The following COBLL1 variants were observed in gnomAD, a reference collection of about 807,000 sequenced individuals.
COBLL1 encodes cordon-bleu WH2 repeat protein like 1.
COBLL1 carries 50 observed loss-of-function variants against 94.8 expected under a neutral mutation model. The observed-to-expected ratio is 0.53, with a 90% CI of 0.42 to 0.67. COBLL1 has a LOEUF of 0.67. COBLL1 is among the 30% of genes least tolerant of loss of function. The pLI, the probability that COBLL1 is intolerant of heterozygous loss-of-function variation, is 0.00. For missense variants in COBLL1, 1,362 were observed against 1,348.7 expected, an observed-to-expected ratio of 1.01 and a Z score of -0.15; for synonymous variants, 448 against 473.8, an observed-to-expected ratio of 0.95 and a Z score of 0.71.
Position 164,695,521 on chromosome 2 carries a change from T to A in COBLL1, c.1871A>T (p.Asp624Val). ...DGKHQDHNLSDSKVEECVQTS... is the reference protein window; with the variant it reads ...DGKHQDHNLSVSKVEECVQTS... ...TTGCACACATTCTTCAACTTTGGAG[T>A]CAGATAAATTATGATCTTGGTGTTT... is the stretch of plus-strand genomic sequence containing the variant. The change falls in exon 12 of 14, where the codon GAC becomes GTC. Residue 624 changes from aspartate to valine, a missense_variant. By Grantham distance (152) the Asp-to-Val change is radical (BLOSUM62 -3). Transcript: ENST00000652658. 1 of 1,613,942 alleles carries A rather than the reference T, an allele frequency of 6.2e-7. No homozygotes were observed. Among genetic ancestry groups the A allele is most frequent in the Non-Finnish European group, 8.5e-7 (1 of 1,179,914 alleles).
chr2:164,753,243 T>C (rs571267361), intron 2 of COBLL1, among the ~76,000 whole-genome samples: 1 of 152,122 alleles, frequency 6.6e-6, no homozygotes, highest in South Asian at 2.1e-4. Context: ...CAAAAGAAAA[T>C]TTTGAAAAGC....
intron 2 of COBLL1, among the ~76,000 whole-genome samples, chr2:164,789,977 TC>T (rs1419329022): frequency 2.0e-5 from 3 of 152,302 alleles, no homozygotes; most frequent in Middle Eastern, 3.4e-3. Context: ...TGTTTTTTCC[TC>T]CCTATATTCA....
chr2:164,667,485 G>A (rs564052884), intron 1 of COBLL1, among the ~76,000 whole-genome samples: 7 of 152,306 alleles, frequency 4.6e-5, no homozygotes, highest in Admixed American at 2.0e-4. Flanking sequence ...TCTTCCAAGA[G>A]AAGGCTGTTT....
Position 164,681,363 on chromosome 2 carries a change from C to T in COBLL1, c.*4583G>A, listed in dbSNP as rs1385263688. ...TGTTTCAGAGATGTCTTTCTCACAG[C>T]AACATTTCAAATACAGTGAAAGCAA... On this transcript the variant is annotated 3_prime_UTR_variant, in exon 14 of 14. Transcript: ENST00000652658. The T allele has an allele frequency of 1.3e-5, 2 of 152,098 alleles. No individual in the cohort carries two copies. Among genetic ancestry groups the T allele is most frequent in the East Asian group, 3.9e-4 (2 of 5,172 alleles). 9.4% of individuals were successfully genotyped at this position (152,098 alleles called of 1,614,324 possible).
chr2:164,703,262 C>T, intron 9 of COBLL1: 2 of 1,347,014 alleles, frequency 1.5e-6, no homozygotes, highest in Non-Finnish European at 1.1e-6. Context: ...ACTTAGACAA[C>T]AGAGTTAAGG....
chr2:164,784,294 A>G (rs960817238), intron 2 of COBLL1, among the ~76,000 whole-genome samples: 3 of 152,216 alleles, frequency 2.0e-5, no homozygotes, highest in Admixed American at 6.5e-5. Flanking sequence ...AACACACAGA[A>G]GTCACTCAAT....
chr2:164,840,942 G>A, intron 2 of COBLL1: 2 of 422,848 alleles, frequency 4.7e-6, no homozygotes, highest in Non-Finnish European at 7.9e-6. Flanking sequence ...GGCAGCCCCG[G>A]TAGGAAGGCA....
chr2:164,667,505 T>C (rs571203832), intron 1 of COBLL1, among the ~76,000 whole-genome samples: 13 of 152,218 alleles, frequency 8.5e-5, no homozygotes, highest in Non-Finnish European at 1.9e-4. Flanking sequence ...TTGTCTATGT[T>C]AAAAATCTGT....
chr2:164,830,212 C>T (rs762024589), intron 2 of COBLL1, among the ~76,000 whole-genome samples: 1 of 152,166 alleles, frequency 6.6e-6, no homozygotes, highest in African/African-American at 2.4e-5. Context: ...ATTTGTGGTA[C>T]CTTTGTGTTC....
At chr2:164,729,868 T>G (rs1350070073) in intron 4 of COBLL1, 46 bp downstream of exon 4, 1 of 1,482,430 alleles carries the variant, frequency 6.7e-7, no homozygotes, top group Non-Finnish European at 9.4e-7. Context: ...AATGAGCTGC[T>G]GATAATGACT....
At chr2:164,687,575 C>T (rs534277741) in intron 13 of COBLL1, 7 of 1,194,890 alleles carry the variant, frequency 5.9e-6, no homozygotes, top group East Asian at 2.4e-5. Flanking sequence ...CCAAAGGCAC[C>T]TCGCATGCCT....
intron 2 of COBLL1, among the ~76,000 whole-genome samples, chr2:164,821,783 C>G (rs564351138): frequency 3.9e-5 from 6 of 152,282 alleles, no homozygotes; most frequent in African/African-American, 1.4e-4. Context: ...GGCTGAAAAA[C>G]CTGCTTTCCG....
chr2:164,770,309 GA>G (rs1018453694), intron 2 of COBLL1, among the ~76,000 whole-genome samples: 13 of 142,388 alleles, frequency 9.1e-5, no homozygotes, highest in East Asian at 4.1e-4. Context: ...GAAACAAAAA[GA>G]AAAAAAAAAC....
chr2:164,752,913 T>C (rs1687200915), intron 2 of COBLL1, among the ~76,000 whole-genome samples: 2 of 152,322 alleles, frequency 1.3e-5, no homozygotes, highest in East Asian at 3.9e-4. Flanking sequence ...CCCATGCCCC[T>C]TTACCTCTGA....
At chr2:164,788,039 C>A (rs1297781644) in intron 2 of COBLL1, among the ~76,000 whole-genome samples, 2 of 152,160 alleles carry the variant, frequency 1.3e-5, no homozygotes, top group African/African-American at 4.8e-5. Flanking sequence ...ACTTTTTGCA[C>A]AGGTTAGCAG....
chr2:164,806,026 T>C (rs1684138837), intron 2 of COBLL1, among the ~76,000 whole-genome samples: 2 of 152,214 alleles, frequency 1.3e-5, no homozygotes, highest in South Asian at 4.1e-4. Context: ...TTTTAATAGG[T>C]GTTTACATAT....
chr2:164,758,817 T>C (rs564313467), intron 2 of COBLL1, among the ~76,000 whole-genome samples: 47 of 152,172 alleles, frequency 3.1e-4, no homozygotes, highest in African/African-American at 1.1e-3. Flanking sequence ...TTCAAAAAAT[T>C]TGAAGAAAAA....
At chr2:164,799,248 C>CTA (rs1312336271) in intron 2 of COBLL1, among the ~76,000 whole-genome samples, 5 of 152,256 alleles carry the variant, frequency 3.3e-5, no homozygotes, top group Admixed American at 3.3e-4. Context: ...AGGAGATGCT[C>CTA]TATAGCTCAA....
chr2:164,834,858 A>C (rs1453422202), intron 2 of COBLL1, among the ~76,000 whole-genome samples: 1 of 152,238 alleles, frequency 6.6e-6, no homozygotes, highest in Non-Finnish European at 1.5e-5. Flanking sequence ...ATATCTCTCC[A>C]AAGATGATTT....
Sources: gnomAD v4.1 joint callset for allele counts (sites outside exome capture counted in the v4.1 genomes callset) on GRCh38, gnomAD v4.1.1 for gene constraint, MANE v1.5 for transcripts, NCBI Gene and HGNC (gene_info 2026-07-23, HGNC 2026-07-21) for gene names.